Variants in ZMYM4 observed in about 807,000 individuals in gnomAD.
The protein encoded by ZMYM4 is zinc finger MYM-type containing 4.
A neutral mutation model predicts 183.2 loss-of-function variants in ZMYM4; 31 were observed. The observed-to-expected ratio is 0.17, with a 90% CI of 0.13 to 0.23. The LOEUF (loss-of-function observed/expected upper bound fraction) is 0.23, where lower values mean the gene tolerates loss of function less well. ZMYM4 is among the 10% of genes least tolerant of loss of function. The pLI, the probability that ZMYM4 is intolerant of heterozygous loss-of-function variation, is 1.00. For missense variants in ZMYM4, 1,273 were observed against 1,840.3 expected (o/e 0.69, Z 5.64); for synonymous variants, 592 against 631.2 (o/e 0.94, Z 0.93).
intron 1 of ZMYM4, among the ~76,000 whole-genome samples, chr1:35,311,422 CAAAA>C (rs200102940): frequency 1.7e-4 from 13 of 78,424 alleles, no homozygotes; most frequent in African/African-American, 3.3e-4. Context: ...AACTCTGTCT[CAAAA>C]AAAAAAAAAA....
At chr1:35,325,112 A>AG (rs1558004338) in intron 1 of ZMYM4, among the ~76,000 whole-genome samples, 1 of 152,182 alleles carries the variant, frequency 6.6e-6, no homozygotes, top group Non-Finnish European at 1.5e-5. Flanking sequence ...GATTAAAAAA[A>AG]TAAGTAGTTG....
intron 5 of ZMYM4, among the ~76,000 whole-genome samples, chr1:35,369,575 A>C (rs140655767): frequency 8.7e-4 from 132 of 152,246 alleles, no homozygotes; most frequent in African/African-American, 3.0e-3. Flanking sequence ...TTATTAAGAA[A>C]TAAAACCTCT....
intron 2 of ZMYM4, among the ~76,000 whole-genome samples, chr1:35,336,317 G>A (rs184613778): frequency 4.0e-5 from 6 of 151,656 alleles, no homozygotes; most frequent in Admixed American, 3.9e-4. Context: ...GTATCCTCAA[G>A]GTTCATCATG....
At chr1:35,292,356 TTACCATATTGATGTC>T (rs1230405002) in intron 1 of ZMYM4, 3 of 152,104 alleles carry the variant, frequency 2.0e-5, no homozygotes, top group Non-Finnish European at 4.4e-5. Context: ...ACTTGGGAGG[TTACCATATTGATGTC>T]TACCATTGTG....
Position 35,386,948 on chromosome 1 carries a change from C to T in ZMYM4, c.1837-55C>T, listed in dbSNP as rs181592241. The T allele has an allele frequency of 7.6e-5, 117 of 1,548,238 alleles. 1 individual carries two copies. In the East Asian group the frequency reaches 2.0e-3, roughly 26 times the overall value. ...GCTTGGCATATGTAGGCACACAATA[C>T]TTCTTTGTTTTAACAAAGATTAAAT... On this transcript the variant is annotated intron_variant, in intron 11 of 29. Transcript: ENST00000314607.
intron 1 of ZMYM4, among the ~76,000 whole-genome samples, chr1:35,316,028 GTA>G (rs1224436875): frequency 2.0e-5 from 3 of 152,162 alleles, no homozygotes; most frequent in Admixed American, 1.3e-4. Context: ...TTCTTAACAA[GTA>G]TTCAGTGTCC....
chr1:35,360,493 T>C (rs1643912121), intron 3 of ZMYM4, among the ~76,000 whole-genome samples: 1 of 152,118 alleles, frequency 6.6e-6, no homozygotes, highest in African/African-American at 2.4e-5. Flanking sequence ...AGCTTTTGAG[T>C]ATGTACAAGT....
intron 28 of ZMYM4, 82 bp from the exon 29 acceptor site, chr1:35,418,361 G>A (rs16837341): frequency 0.017 from 25,363 of 1,484,824 alleles, 1,077 homozygotes; most frequent in African/African-American, 0.16. Flanking sequence ...TTCTGGCTGC[G>A]AAGCAAAGCT....
In ZMYM4 at chr1:35,368,288, A is replaced by G. The variant is rs1224056855; in HGVS notation, c.841-1741A>G. 2.0e-5 allele frequency among the ~76,000 whole-genome samples: 3 copies of G among 152,198 alleles called. No homozygotes were observed. In the East Asian group the frequency reaches 5.8e-4, roughly 29 times the overall value. Reference sequence around the variant, plus strand: ...GCTGATCCCTGGAGTAAATGAATGTATTATTATAAAAATGAAACTATTTTC... The same window carrying G: ...GCTGATCCCTGGAGTAAATGAATGTGTTATTATAAAAATGAAACTATTTTC... On this transcript the variant is annotated intron_variant, in intron 5 of 29. Transcript: ENST00000314607.
rs1224936968 is a variant in ZMYM4, at chr1:35,419,462, G to A, written c.4440-8G>A. ...TTTTTTCTCTTTTTTTTTTTCCCCT[G>A]TGGATAGTTCTGAAAGTGTGAAGCA... On this transcript the variant is annotated splice_polypyrimidine_tract_variant and splice_region_variant and intron_variant, in intron 29 of 29. Coordinates refer to ENST00000314607, the MANE Select transcript of ZMYM4 (RefSeq NM_005095.3). 6.2e-7 allele frequency: 1 copy of A among 1,605,980 alleles called. No homozygotes were observed. The highest frequency in any genetic ancestry group is 1.1e-5 in the South Asian group (1 of 90,596).
At chr1:35,322,956 C>T (rs1459900954) in intron 1 of ZMYM4, among the ~76,000 whole-genome samples, 1 of 151,184 alleles carries the variant, frequency 6.6e-6, no homozygotes, top group African/African-American at 2.4e-5. Context: ...TCCCAAAGTG[C>T]TAGGATTACA....
chr1:35,303,494 C>A (rs574083512), intron 1 of ZMYM4, among the ~76,000 whole-genome samples: 1 of 152,022 alleles, frequency 6.6e-6, no homozygotes, highest in African/African-American at 2.4e-5. Flanking sequence ...CAACCTCCGC[C>A]GTCTGGGTTC....
chr1:35,328,798 C>T (rs895769452), intron 2 of ZMYM4, among the ~76,000 whole-genome samples: 2 of 152,132 alleles, frequency 1.3e-5, no homozygotes, highest in Admixed American at 6.5e-5. Flanking sequence ...TAAGGGCAGA[C>T]AGCTACATAG....
chr1:35,414,090 TG>T lies in ZMYM4; in HGVS notation c.4060+8del. The T allele has an allele frequency of 6.8e-7, 1 of 1,473,528 alleles. No homozygotes were observed. Among genetic ancestry groups the T allele is most frequent in the East Asian group, 2.3e-5 (1 of 43,416 alleles). 91.3% of individuals were successfully genotyped at this position (1,473,528 alleles called of 1,614,324 possible). A position where few individuals can be genotyped will look rare whatever the true frequency, so the allele number is the denominator to read the frequency against. Reference sequence around the variant, plus strand: ...CCTACAATACTTCCTAATGGTAGGGTGATTTTTTTTTTATTGTTTTCATGAT... The same window carrying T: ...CCTACAATACTTCCTAATGGTAGGGTATTTTTTTTTTATTGTTTTCATGAT... On this transcript the variant is annotated splice_region_variant and intron_variant, in intron 27 of 29. Transcript: ENST00000314607.
At chr1:35,282,876 A>G (rs993313498) in intron 1 of ZMYM4, among the ~76,000 whole-genome samples, 2 of 149,990 alleles carry the variant, frequency 1.3e-5, no homozygotes, top group African/African-American at 2.5e-5. Context: ...TTTTTGAGGA[A>G]CCTTTTGCAC....
chr1:35,302,378 CTTTTTTTT>C (rs1179477732), intron 1 of ZMYM4, among the ~76,000 whole-genome samples: 4 of 86,180 alleles, frequency 4.6e-5, no homozygotes, highest in African/African-American at 1.4e-4. Flanking sequence ...GCTAATTTGA[CTTTTTTTT>C]TTTTTTTTTT....
At chr1:35,273,175 G>A (rs896272323) in intron 1 of ZMYM4, among the ~76,000 whole-genome samples, 3 of 152,138 alleles carry the variant, frequency 2.0e-5, no homozygotes, top group African/African-American at 7.2e-5. Context: ...GAGTATGTGG[G>A]TGGATCAGCG....
At chr1:35,374,458 C>T (rs376453893) in intron 7 of ZMYM4, among the ~76,000 whole-genome samples, 3 of 151,830 alleles carry the variant, frequency 2.0e-5, no homozygotes, top group African/African-American at 7.3e-5. Flanking sequence ...AATTCTTACT[C>T]TAGGGATCAA....
At chr1:35,272,802 G>A (rs1352604032) in intron 1 of ZMYM4, among the ~76,000 whole-genome samples, 1 of 152,210 alleles carries the variant, frequency 6.6e-6, no homozygotes, top group East Asian at 1.9e-4. Context: ...TCCGCCTCCC[G>A]GGTTCACGCC....
Sources: allele counts gnomAD v4.1 joint callset (sites outside exome capture counted in the v4.1 genomes callset), GRCh38; gene constraint gnomAD v4.1.1; transcripts MANE v1.5; gene names NCBI Gene and HGNC (gene_info 2026-07-23, HGNC 2026-07-21).